Variants in PTPRN2 observed in about 807,000 individuals in gnomAD.
PTPRN2 encodes the protein protein tyrosine phosphatase receptor type N2.
PTPRN2 carries 74 observed loss-of-function variants against 118.8 expected under a neutral mutation model. The observed-to-expected ratio is 0.62, with a 90% confidence interval of 0.52 to 0.76. The LOEUF (loss-of-function observed/expected upper bound fraction) is 0.76. PTPRN2 is among the 30% of genes least tolerant of loss of function. The pLI is 0.00. For missense variants in PTPRN2, 1,481 were observed against 1,394.4 expected (o/e 1.06, Z -0.99); for synonymous variants, 641 against 608.0 (o/e 1.05, Z -0.80).
chr7:157,771,778 GACAC>G (rs1272204641), intron 12 of PTPRN2, among the ~76,000 whole-genome samples: 1 of 113,724 alleles, frequency 8.8e-6, no homozygotes, highest in Non-Finnish European at 1.6e-5. Context: ...TGCAGACACA[GACAC>G]ACACTCACAG....
At chr7:157,800,753 C>T (rs1237678084) in intron 12 of PTPRN2, among the ~76,000 whole-genome samples, 1 of 151,908 alleles carries the variant, frequency 6.6e-6, no homozygotes. Context: ...GAGATCGAGA[C>T]CATCCTGGCC....
In PTPRN2 at chr7:157,874,373, G is replaced by A. The variant is rs1795583840; in HGVS notation, c.1788+24300C>T. On this transcript the variant is annotated intron_variant, in intron 12 of 22. Transcript: ENST00000389418. The surrounding 1 kb of genome is among the most constrained non-coding windows in gnomAD (Gnocchi z 5.8). ...TGACACACGCAGGTGAAGTGGACCTGACCCAGCTCCTGCTTTCTGCCCCCT... is the reference window on the plus strand; with the variant it reads ...TGACACACGCAGGTGAAGTGGACCTAACCCAGCTCCTGCTTTCTGCCCCCT... Among the ~76,000 whole-genome samples, 1 of 152,154 alleles carries A rather than the reference G, an allele frequency of 6.6e-6. No individual in the cohort carries two copies. Among genetic ancestry groups the A allele is most frequent in the Non-Finnish European group, 1.5e-5 (1 of 68,022 alleles).
At position 157,619,121 on chromosome 7, in the gene PTPRN2, C is replaced by T. The variant is rs113885807; in HGVS notation, c.2344+2241G>A. ...ACTTCACCATCACTAGGTCCCTCGC[C>T]CCCAACCCCCCCATCCACACTGTAC... is the stretch of plus-strand genomic sequence containing the variant. On this transcript the variant is annotated intron_variant, in intron 15 of 22. Transcript: ENST00000389418. This position sits in a 1 kb window ranked among gnomAD's most constrained non-coding sequence, Gnocchi z 5.3. Among the ~76,000 whole-genome samples, 4 of 152,130 alleles carry T rather than the reference C, an allele frequency of 2.6e-5. No individual in the cohort carries two copies. The highest frequency in any genetic ancestry group is 9.6e-5 in the African/African-American group (4 of 41,478).
chr7:158,341,364 G>C (rs1260503380), intron 2 of PTPRN2, among the ~76,000 whole-genome samples: 1 of 144,896 alleles, frequency 6.9e-6, no homozygotes, highest in African/African-American at 2.6e-5. Flanking sequence ...GGTAACACAT[G>C]CAGACGTCAC....
At chr7:158,557,915 G>T (rs1254940667) in intron 1 of PTPRN2, among the ~76,000 whole-genome samples, 1 of 152,030 alleles carries the variant, frequency 6.6e-6, no homozygotes, top group Non-Finnish European at 1.5e-5. Flanking sequence ...AAGCTCTCCT[G>T]GTAAGGCACC....
At chr7:157,795,424 G>C (rs76693099) in intron 12 of PTPRN2, among the ~76,000 whole-genome samples, 9,765 of 152,318 alleles carry the variant, frequency 0.064, 1,077 homozygotes, top group African/African-American at 0.22. Context: ...CCCTCCCCAG[G>C]GGGCTGAGGC....
intron 12 of PTPRN2, among the ~76,000 whole-genome samples, chr7:157,773,298 A>T (rs1200032247): frequency 6.6e-6 from 1 of 152,196 alleles, no homozygotes; most frequent in Non-Finnish European, 1.5e-5. Flanking sequence ...AGCACAAACC[A>T]AGCACAGCCC....
intron 2 of PTPRN2, among the ~76,000 whole-genome samples, chr7:158,465,169 A>G (rs1819302242): frequency 6.6e-6 from 1 of 152,182 alleles, no homozygotes; most frequent in South Asian, 2.1e-4. Context: ...GGAGATACTA[A>G]GAGTGCCCAT....
intron 3 of PTPRN2, among the ~76,000 whole-genome samples, chr7:158,273,460 G>GACGCAGGGGGAGCCGCAGGCA (rs1563072653): frequency 3.2e-5 from 2 of 62,352 alleles, no homozygotes; most frequent in Non-Finnish European, 6.1e-5. Context: ...AGCCGCAGAC[G>GACGCAGGGGGAGCCGCAGGCA]CAGGGGGAGC....
intron 5 of PTPRN2, among the ~76,000 whole-genome samples, chr7:158,189,704 G>A (rs531028031): frequency 3.3e-5 from 5 of 152,210 alleles, no homozygotes; most frequent in African/African-American, 4.8e-5. Flanking sequence ...TGGACTGCAC[G>A]TGGGTTACTT....
At chr7:158,113,178 A>G (rs971071806) in intron 9 of PTPRN2, among the ~76,000 whole-genome samples, 2 of 151,980 alleles carry the variant, frequency 1.3e-5, no homozygotes, top group African/African-American at 4.8e-5. Flanking sequence ...TGGTCCAGAG[A>G]GATGAGGATG....
intron 17 of PTPRN2, 28 bp from the exon 18 acceptor site, chr7:157,578,168 G>C (rs556478355): frequency 6.9e-6 from 11 of 1,587,876 alleles, no homozygotes; most frequent in Non-Finnish European, 9.5e-6. Context: ...CCGTGGCCGC[G>C]GTGTGACTGT....
Position 157,810,513 on chromosome 7 carries a change from G to A in PTPRN2, c.1788+88160C>T, listed in dbSNP as rs533856447. On this transcript the variant is annotated intron_variant, in intron 12 of 22. Transcript: ENST00000389418. ...GGCACAGGGTCTCCATGGGGACGGC[G>A]GGACTGCTGGGAGCTGGGTTCTCCA... Among the ~76,000 whole-genome samples the A allele has an allele frequency of 8.7e-5, 13 of 148,842 alleles. No homozygotes were observed. In the South Asian group the frequency reaches 2.2e-3, roughly 25 times the overall value.
Position 157,844,616 on chromosome 7 carries a change from G to A in PTPRN2, c.1788+54057C>T, listed in dbSNP as rs561560725. Among the ~76,000 whole-genome samples the A allele has an allele frequency of 2.3e-4, 35 of 152,258 alleles. 1 individual carries two copies. The South Asian group carries it at 6.2e-3, about 27-fold the overall frequency. On this transcript the variant is annotated intron_variant, in intron 12 of 22. Transcript: ENST00000389418. ...AGAAAGAGAAGGCCTTCCACAGCAC[G>A]ACCCCAGGGTGGTGATGAGGGCACA...
chr7:158,248,204 C>T (rs909119126), intron 3 of PTPRN2, among the ~76,000 whole-genome samples: 1 of 152,170 alleles, frequency 6.6e-6, no homozygotes, highest in Admixed American at 6.5e-5. Flanking sequence ...CCACCCCTTC[C>T]GTCTTGACAC....
chr7:157,556,680 C>T (rs1798905432), intron 21 of PTPRN2, among the ~76,000 whole-genome samples: 1 of 150,456 alleles, frequency 6.6e-6, no homozygotes, highest in Non-Finnish European at 1.5e-5. Flanking sequence ...ACTCACATGT[C>T]ACATACACAC....
At chr7:157,969,852 G>A (rs972746593) in intron 11 of PTPRN2, among the ~76,000 whole-genome samples, 3 of 152,134 alleles carry the variant, frequency 2.0e-5, no homozygotes, top group East Asian at 3.9e-4. Context: ...CTAAGGGAGA[G>A]AGGAGAGGAA....
At chr7:158,240,271 G>T (rs79359347) in intron 3 of PTPRN2, among the ~76,000 whole-genome samples, 1 of 141,534 alleles carries the variant, frequency 7.1e-6, no homozygotes, top group Non-Finnish European at 1.6e-5. Flanking sequence ...GAGAGAGAGA[G>T]AAAGCCAAAA....
rs191673459 is a variant in PTPRN2 at position 158,320,506 on chromosome 7, G to A, written c.164-3574C>T. On this transcript the variant is annotated intron_variant, in intron 2 of 22. Transcript: ENST00000389418. ...AGCTGTGATGGCGCCCCCATCGCCC[G>A]CATCCTCAGCAGCGCCAGGTGGCGT... Among the ~76,000 whole-genome samples, 636 of 110,418 alleles carry A rather than the reference G, an allele frequency of 5.8e-3. 2 individuals are homozygous for A. Among genetic ancestry groups the A allele is most frequent in the Non-Finnish European group, 9.4e-3 (479 of 50,710 alleles). The allele number at this position is 110,418 out of a possible 152,430, so 72.4% of individuals were successfully genotyped here. A position where few individuals can be genotyped will look rare whatever the true frequency, so the allele number is the denominator to read the frequency against.
Sources: gnomAD v4.1 joint callset for allele counts (sites outside exome capture counted in the v4.1 genomes callset) on GRCh38, gnomAD v4.1.1 for gene constraint, Gnocchi (gnomAD v3.1) non-coding constraint, MANE v1.5 for transcripts, NCBI Gene and HGNC (gene_info 2026-07-23, HGNC 2026-07-21) for gene names.